The following AREL1 variants were observed in gnomAD, a reference collection of about 807,000 sequenced individuals.
AREL1 encodes the protein apoptosis-resistant E3 ubiquitin protein ligase 1.
Under a neutral mutation model 99.0 loss-of-function variants are expected in AREL1, and 62 were observed. The ratio of observed to expected loss-of-function variants is 0.63; its 90% CI spans 0.51 to 0.77. The LOEUF (loss-of-function observed/expected upper bound fraction) is 0.77, where lower values mean the gene tolerates loss of function less well. Among genes scored for constraint, AREL1 ranks in the 30% least tolerant of loss-of-function variants. The pLI is 0.00. For missense variants in AREL1, 879 were observed against 1,027.6 expected, an observed-to-expected ratio of 0.86 and a Z score of 1.98; for synonymous variants, 380 against 376.5, an observed-to-expected ratio of 1.01 and a Z score of -0.11.
intron 1 of AREL1, among the ~76,000 whole-genome samples, chr14:74,707,809 T>TAG (rs1566707177): frequency 9.8e-6 from 1 of 101,574 alleles, no homozygotes; most frequent in South Asian, 3.1e-4. Flanking sequence ...AAAAAAAAAT[T>TAG]AGACGGGTAT....
intron 8 of AREL1, 32 bp downstream of exon 8, chr14:74,675,667 G>T: frequency 6.2e-7 from 1 of 1,604,918 alleles, no homozygotes; most frequent in Non-Finnish European, 8.5e-7. Flanking sequence ...GTTCAAGCAG[G>T]GGGATTTTAT....
At position 74,663,786 on chromosome 14, in the gene AREL1, A is replaced by G. The variant is rs745806741; in HGVS notation, c.2406T>C (p.Tyr802=). Residue 802 remains tyrosine (Y), a synonymous_variant, in exon 20 of 20, where the codon TAT becomes TAC. Coordinates refer to ENST00000356357, the MANE Select transcript of AREL1 (RefSeq NM_001039479.2). ...NQLCLPTYDS[Y]EEVHRMLQLA... is the part of the protein sequence containing the mutation. ...GCTGCAGCATCCTGTGCACCTCTTC[A>G]TAGGAGTCATATGTAGGGAGGCACA... The G allele has an allele frequency of 2.5e-6, 4 of 1,614,060 alleles. No individual in the cohort carries two copies. The South Asian group carries it at 4.4e-5, about 18-fold the overall frequency.
At chr14:74,685,729 A>G in intron 2 of AREL1, 69 bp from the exon 3 acceptor site, 1 of 1,411,062 alleles carries the variant, frequency 7.1e-7, no homozygotes, top group Non-Finnish European at 9.9e-7. Context: ...AGTAAGACAA[A>G]GAAGAGTGTA....
Position 74,689,587 on chromosome 14 carries a change from C to CTTT in AREL1, c.-46+2451_-46+2453dup, listed in dbSNP as rs1185444870. On this transcript the variant is annotated intron_variant, in intron 2 of 19. Coordinates refer to ENST00000356357, the MANE Select transcript of AREL1 (RefSeq NM_001039479.2). ...CATTGTTTTTATTTATCTTATAGCA[C>CTTT]TTTTCTTTTTTTTTTTTTTTTTTTT... is the stretch of plus-strand genomic sequence containing the variant. Among the ~76,000 whole-genome samples, 110 of 113,680 alleles carry CTTT rather than the reference C, an allele frequency of 9.7e-4. 9 individuals are homozygous for CTTT. The highest frequency in any genetic ancestry group is 1.6e-3 in the Admixed American group (16 of 9,756). The allele number at this position is 113,680 out of a possible 152,430, so 74.6% of individuals were successfully genotyped here.
At chr14:74,690,057 G>A (rs1318764959) in intron 2 of AREL1, among the ~76,000 whole-genome samples, 1 of 151,768 alleles carries the variant, frequency 6.6e-6, no homozygotes, top group African/African-American at 2.4e-5. Context: ...AGACCAGTCT[G>A]GGCAATATAG....
chr14:74,678,858 T>C (rs2089558775), intron 5 of AREL1, among the ~76,000 whole-genome samples: 1 of 152,168 alleles, frequency 6.6e-6, no homozygotes, highest in Non-Finnish European at 1.5e-5. Context: ...CACCAACAGT[T>C]TGACCATAAA....
intron 5 of AREL1, among the ~76,000 whole-genome samples, chr14:74,679,162 T>C (rs192942073): frequency 1.3e-5 from 2 of 152,294 alleles, no homozygotes; most frequent in African/African-American, 2.4e-5. Context: ...AGAAAGTGGA[T>C]TTCATCAAAA....
intron 2 of AREL1, among the ~76,000 whole-genome samples, chr14:74,691,365 G>A (rs555027065): frequency 7.5e-4 from 102 of 136,156 alleles, no homozygotes; most frequent in African/African-American, 2.5e-3. Context: ...GTCTAACTCC[G>A]AAGCTCAATG....
At chr14:74,692,360 A>T (rs755429488) in intron 1 of AREL1, 32 bp from the exon 2 acceptor site, 11 of 387,808 alleles carry the variant, frequency 2.8e-5, no homozygotes, top group South Asian at 1.8e-4. Flanking sequence ...GTTAGTTGGA[A>T]TAGGTTTTTA....
At position 74,713,040 on chromosome 14, in the gene AREL1, G is replaced by C. The variant is rs199970347; in HGVS notation, c.-441C>G. The C allele has an allele frequency of 3.5e-3, 4,480 of 1,263,456 alleles. 9 individuals carry two copies. Among genetic ancestry groups the C allele is most frequent in the Non-Finnish European group, 4.6e-3 (3,947 of 865,460 alleles). The allele number at this position is 1,263,456 out of a possible 1,614,324, so 78.3% of individuals were successfully genotyped here. On this transcript the variant is annotated 5_prime_UTR_variant, in exon 1 of 20. Coordinates refer to ENST00000356357, the MANE Select transcript of AREL1 (RefSeq NM_001039479.2). ...CCCACTCTCCCACCAACAGACCCCA[G>C]AGTTGGTCTCCACCCGGCCTGGGAA...
chr14:74,688,961 C>T (rs113166865), intron 2 of AREL1, among the ~76,000 whole-genome samples: 76 of 151,908 alleles, frequency 5.0e-4, no homozygotes, highest in African/African-American at 1.7e-3. Flanking sequence ...CTCAGCCTCC[C>T]GAGTAGCTGG....
intron 1 of AREL1, among the ~76,000 whole-genome samples, chr14:74,712,701 C>T (rs1054403334): frequency 6.6e-6 from 1 of 152,026 alleles, no homozygotes; most frequent in Admixed American, 6.6e-5. Context: ...AATCATCCAC[C>T]TAGCTGCACA....
chr14:74,674,826 C>T (rs753087165), intron 8 of AREL1, among the ~76,000 whole-genome samples: 1 of 152,126 alleles, frequency 6.6e-6, no homozygotes, highest in Non-Finnish European at 1.5e-5. Flanking sequence ...GCAACCCATA[C>T]ACACTGCTTT....
chr14:74,702,552 C>T lies in AREL1; in HGVS notation c.-333-10224G>A, dbSNP rs368045409. ...TTCAAAACCATTTTTTCCTCCTAGGCCTCCAGGTCTGTGATGGGAGTGGCT... is the reference window on the plus strand; with the variant it reads ...TTCAAAACCATTTTTTCCTCCTAGGTCTCCAGGTCTGTGATGGGAGTGGCT... On this transcript the variant is annotated intron_variant, in intron 1 of 19. Transcript: ENST00000356357. Among the ~76,000 whole-genome samples, 14 of 152,300 alleles carry T rather than the reference C, an allele frequency of 9.2e-5. No individual in the cohort carries two copies. In the South Asian group the frequency reaches 2.9e-3, roughly 32 times the overall value.
At chr14:74,669,177 T>C (rs1007294808) in intron 15 of AREL1, among the ~76,000 whole-genome samples, 5 of 152,204 alleles carry the variant, frequency 3.3e-5, no homozygotes, top group Non-Finnish European at 5.9e-5. Context: ...TTACAGGCCA[T>C]GAGCCACTGC....
chr14:74,700,810 G>A (rs1005090452), intron 1 of AREL1, among the ~76,000 whole-genome samples: 1 of 152,048 alleles, frequency 6.6e-6, no homozygotes, highest in African/African-American at 2.4e-5. Flanking sequence ...AAAAAGGAAT[G>A]TTAAAGGAAT....
At chr14:74,703,987 C>A (rs959771145) in intron 1 of AREL1, among the ~76,000 whole-genome samples, 6 of 152,174 alleles carry the variant, frequency 3.9e-5, no homozygotes, top group African/African-American at 1.4e-4. Flanking sequence ...TCTATATCCA[C>A]CAACACTTGG....
At chr14:74,667,785 T>C (rs149926757) in intron 15 of AREL1, among the ~76,000 whole-genome samples, 191 bp from the exon 16 acceptor site, 44 of 152,356 alleles carry the variant, frequency 2.9e-4, no homozygotes, top group Admixed American at 2.7e-3. Context: ...TTCCTACCAC[T>C]ATTGCTGTAT....
intron 1 of AREL1, among the ~76,000 whole-genome samples, chr14:74,704,288 C>T (rs1399226908): frequency 2.0e-5 from 3 of 152,262 alleles, no homozygotes; most frequent in Admixed American, 2.0e-4. Context: ...AGGTTGAAGA[C>T]ATACGCCCAG....
Sources: allele counts gnomAD v4.1 joint callset (sites outside exome capture counted in the v4.1 genomes callset), GRCh38; gene constraint gnomAD v4.1.1; transcripts MANE v1.5; gene names NCBI Gene and HGNC (gene_info 2026-07-23, HGNC 2026-07-21).